The following CRTAC1 variants were observed in gnomAD, a reference collection of about 807,000 sequenced individuals.
CRTAC1 encodes the protein cartilage acidic protein 1.
CRTAC1 carries 37 observed loss-of-function variants against 67.8 expected under a neutral mutation model. That is an observed-to-expected ratio of 0.55 (90% CI 0.42 to 0.72). CRTAC1 has a LOEUF of 0.72. Among genes scored for constraint, CRTAC1 ranks in the 30% least tolerant of loss-of-function variants. The pLI is 0.00. For missense variants in CRTAC1, 780 were observed against 931.6 expected (o/e 0.84, Z 2.12); for synonymous variants, 348 against 371.0 (o/e 0.94, Z 0.71).
chr10:97,926,710 A>C (rs1455610625), intron 3 of CRTAC1, among the ~76,000 whole-genome samples: 1 of 152,350 alleles, frequency 6.6e-6, no homozygotes, highest in South Asian at 2.1e-4. Flanking sequence ...AGGTTTTGCT[A>C]TCAATTGAAT....
chr10:98,028,484 G>C (rs562021084), intron 1 of CRTAC1, among the ~76,000 whole-genome samples: 1 of 152,280 alleles, frequency 6.6e-6, no homozygotes, highest in Non-Finnish European at 1.5e-5. Context: ...TGCCTTCCCG[G>C]TTGGTGGTAT....
intron 5 of CRTAC1, among the ~76,000 whole-genome samples, chr10:97,908,781 GT>G (rs2050650077): frequency 1.3e-5 from 2 of 152,220 alleles, no homozygotes; most frequent in South Asian, 4.1e-4. Context: ...GTGATATATG[GT>G]TGAAAGAATC....
intron 5 of CRTAC1, among the ~76,000 whole-genome samples, chr10:97,910,852 C>G (rs2050680484): frequency 1.3e-5 from 2 of 152,320 alleles, no homozygotes; most frequent in South Asian, 2.1e-4. Flanking sequence ...GGGCTGGATG[C>G]CTCCCAGATT....
intron 14 of CRTAC1, chr10:97,871,238 G>A (rs758307942): frequency 6.6e-6 from 1 of 152,208 alleles, no homozygotes; most frequent in Non-Finnish European, 1.5e-5. Context: ...TCGCATGCAG[G>A]ATCCTGGAGC....
intron 2 of CRTAC1, among the ~76,000 whole-genome samples, chr10:97,961,383 T>C (rs2051523162): frequency 6.6e-6 from 1 of 152,234 alleles, no homozygotes; most frequent in Non-Finnish European, 1.5e-5. Flanking sequence ...GAAAACGTCA[T>C]GAAAAACTCA....
chr10:98,011,091 G>A (rs760778829), intron 2 of CRTAC1, 47 bp downstream of exon 2: 1 of 1,559,744 alleles, frequency 6.4e-7, no homozygotes, highest in Non-Finnish European at 8.8e-7. Context: ...CCTTATTACA[G>A]CAAAATCTGA....
At chr10:97,882,385 CTA>C (rs1460081193) in intron 13 of CRTAC1, among the ~76,000 whole-genome samples, 1 of 152,228 alleles carries the variant, frequency 6.6e-6, no homozygotes, top group Non-Finnish European at 1.5e-5. Context: ...ACTCCATACA[CTA>C]TTTTGCCCCA....
intron 7 of CRTAC1, among the ~76,000 whole-genome samples, chr10:97,902,923 C>T (rs1045554538): frequency 6.6e-6 from 1 of 151,804 alleles, no homozygotes; most frequent in Non-Finnish European, 1.5e-5. Flanking sequence ...GCCTTAAGAG[C>T]CAGGGAGCAA....
chr10:98,019,226 C>A (rs1010989726), intron 1 of CRTAC1, among the ~76,000 whole-genome samples: 1 of 152,158 alleles, frequency 6.6e-6, no homozygotes, highest in Non-Finnish European at 1.5e-5. Context: ...GAGGACCCAG[C>A]CTTCACCCAG....
chr10:97,972,675 T>C (rs1424620082), intron 2 of CRTAC1, among the ~76,000 whole-genome samples: 2 of 152,254 alleles, frequency 1.3e-5, no homozygotes, highest in Non-Finnish European at 2.9e-5. Context: ...GTAGTATCTA[T>C]TGATAGGGAA....
intron 14 of CRTAC1, among the ~76,000 whole-genome samples, chr10:97,872,475 C>A (rs1007436349): frequency 6.6e-6 from 1 of 152,126 alleles, no homozygotes; most frequent in African/African-American, 2.4e-5. Context: ...GGGGAGGAAG[C>A]GTGTGTCCCA....
intron 14 of CRTAC1, chr10:97,866,905 C>T (rs2050034179): frequency 6.6e-6 from 1 of 152,316 alleles, no homozygotes; most frequent in Non-Finnish European, 1.5e-5. Context: ...TCTTCGCTAC[C>T]TGAGGGTCTG....
chr10:97,969,499 G>A (rs559924671), intron 2 of CRTAC1, among the ~76,000 whole-genome samples: 18 of 152,214 alleles, frequency 1.2e-4, no homozygotes, highest in Non-Finnish European at 2.1e-4. Context: ...ATATCAAAGG[G>A]CTGCCAATGT....
At chr10:97,934,459 C>G (rs999141012) in intron 3 of CRTAC1, among the ~76,000 whole-genome samples, 12 of 151,736 alleles carry the variant, frequency 7.9e-5, no homozygotes, top group Non-Finnish European at 1.6e-4. Context: ...GGCTGCCAGC[C>G]AGACAGCACT....
intron 11 of CRTAC1, among the ~76,000 whole-genome samples, chr10:97,887,444 T>C (rs1045127721): frequency 6.6e-6 from 1 of 152,106 alleles, no homozygotes; most frequent in African/African-American, 2.4e-5. Context: ...GGTTTCTCCA[T>C]GTTGGTCAGG....
rs1263527267 is a variant in CRTAC1, at chr10:97,975,242, G to T, written c.224+35896C>A. On this transcript the variant is annotated intron_variant, in intron 2 of 14. Transcript: ENST00000370597. The surrounding 1 kb of genome is among the most constrained non-coding windows in gnomAD (Gnocchi z 4.8). Reference sequence around the variant, plus strand: ...AATGCTCTTGGCTCAATCCCAGGTCGCAGAGGGACCCGGGGCCCGGCTGAC... The same window carrying T: ...AATGCTCTTGGCTCAATCCCAGGTCTCAGAGGGACCCGGGGCCCGGCTGAC... Among the ~76,000 whole-genome samples, 2 of 152,158 alleles carry T rather than the reference G, an allele frequency of 1.3e-5. No individual in the cohort carries two copies. The highest frequency in any genetic ancestry group is 2.9e-5 in the Non-Finnish European group (2 of 68,010).
At chr10:98,006,909 T>C (rs1469000721) in intron 2 of CRTAC1, among the ~76,000 whole-genome samples, 1 of 152,228 alleles carries the variant, frequency 6.6e-6, no homozygotes, top group Non-Finnish European at 1.5e-5. Flanking sequence ...TGCTACATGA[T>C]TCTTAAACAG....
chr10:97,890,992 A>G (rs2050363700), intron 11 of CRTAC1, among the ~76,000 whole-genome samples: 1 of 152,038 alleles, frequency 6.6e-6, no homozygotes, highest in African/African-American at 2.4e-5. Context: ...GTAGCCCATT[A>G]TATCTTCTAA....
At chr10:97,944,253 C>A (rs1181017991) in intron 2 of CRTAC1, among the ~76,000 whole-genome samples, 3 of 152,016 alleles carry the variant, frequency 2.0e-5, no homozygotes, top group Non-Finnish European at 4.4e-5. Flanking sequence ...CATGGTGAAA[C>A]CCCATCTCTA....
Sources: gnomAD v4.1 joint callset for allele counts (sites outside exome capture counted in the v4.1 genomes callset) on GRCh38, gnomAD v4.1.1 for gene constraint, Gnocchi (gnomAD v3.1) non-coding constraint, MANE v1.5 for transcripts, NCBI Gene and HGNC (gene_info 2026-07-23, HGNC 2026-07-21) for gene names.